The following MON1B variants were observed in gnomAD, a reference collection of about 807,000 sequenced individuals.
The protein encoded by MON1B is MON1 vesicular trafficking associated B.
In MON1B, 26 loss-of-function variants were observed where a neutral mutation model predicts 45.1. The ratio of observed to expected loss-of-function variants is 0.58; its 90% CI spans 0.42 to 0.80. MON1B has a LOEUF of 0.80. MON1B is among the 30% of genes least tolerant of loss of function. The probability of loss-of-function intolerance (pLI) is 0.00; values close to 1 mark genes in which losing one functional copy is unlikely to be tolerated. For missense variants in MON1B, 737 were observed against 754.5 expected (o/e 0.98, Z 0.27); for synonymous variants, 395 against 320.2 (o/e 1.23, Z -2.49).
chr16:77,194,251 G>T lies in MON1B; in HGVS notation c.476-84G>T, dbSNP rs774166535. 7 of 1,233,802 alleles carry T rather than the reference G, an allele frequency of 5.7e-6. No individual in the cohort carries two copies. The Admixed American group carries it at 1.2e-4, about 21-fold the overall frequency. 76.4% of individuals were successfully genotyped at this position (1,233,802 alleles called of 1,614,324 possible). On this transcript the variant is annotated intron_variant, in intron 3 of 5. Transcript: ENST00000248248. The surrounding 1 kb of genome is among the most constrained non-coding windows in gnomAD (Gnocchi z 8.1). ...ACTCGGGCCTGGTGTGTGTATGGTAGGAGAGGGCAGAAGAGCCCCACTGTC... is the reference window on the plus strand; with the variant it reads ...ACTCGGGCCTGGTGTGTGTATGGTATGAGAGGGCAGAAGAGCCCCACTGTC...
chr16:77,198,759 A>G lies in MON1B; in HGVS notation c.*451A>G. 5.6e-6 allele frequency: 1 copy of G among 178,296 alleles called. No homozygotes were observed. Among genetic ancestry groups the G allele is most frequent in the Admixed American group, 5.3e-5 (1 of 18,710 alleles). The allele number at this position is 178,296 out of a possible 1,614,324, so 11.0% of individuals were successfully genotyped here. On this transcript the variant is annotated 3_prime_UTR_variant, in exon 6 of 6. Transcript: ENST00000248248. ...TTGGGACTGGCCTGAGGGTATTTTA[A>G]AGAAAAAAACTACATAAAAGGCCTA...
Position 77,199,414 on chromosome 16 carries a change from C to G in MON1B, c.*1106C>G. 1 of 1,548,332 alleles carries G rather than the reference C, an allele frequency of 6.5e-7. No homozygotes were observed. The highest frequency in any genetic ancestry group is 1.2e-5 in the South Asian group (1 of 83,858). On this transcript the variant is annotated 3_prime_UTR_variant, in exon 6 of 6. Transcript: ENST00000248248. ...TCACGTGGTTTCTTTTTTAACCAGT[C>G]ATCAAGCGAGGCTCGCGCGCAGGCC...
In MON1B at chr16:77,199,785, A is replaced by G; in HGVS notation, c.*1477A>G. ...ATGTAGTTCAGTACGAAAGTCTTCA[A>G]ACAAAAGTGGGGCGGTGGGGATGTT... On this transcript the variant is annotated 3_prime_UTR_variant, in exon 6 of 6. Transcript: ENST00000248248. 2 of 335,256 alleles carry G rather than the reference A, an allele frequency of 6.0e-6. No individual in the cohort carries two copies. The highest frequency in any genetic ancestry group is 1.1e-5 in the Non-Finnish European group (2 of 185,424). 20.8% of individuals were successfully genotyped at this position (335,256 alleles called of 1,614,324 possible). A position where few individuals can be genotyped will look rare whatever the true frequency, so the allele number is the denominator to read the frequency against.
chr16:77,199,518 G>C lies in MON1B; in HGVS notation c.*1210G>C, dbSNP rs974831608. ...AGCTACTGAGGAGGCTGAAGGTAGT[G>C]AGGGCAAGTGGGCTGCACTCCTTTC... is the stretch of plus-strand genomic sequence containing the variant. On this transcript the variant is annotated 3_prime_UTR_variant, in exon 6 of 6. Transcript: ENST00000248248. 1 of 1,550,748 alleles carries C rather than the reference G, an allele frequency of 6.4e-7. No homozygotes were observed. The highest frequency in any genetic ancestry group is 8.7e-7 in the Non-Finnish European group (1 of 1,146,300).
In MON1B at chr16:77,195,083, G is replaced by A. The variant is rs145226349; in HGVS notation, c.1224G>A (p.Pro408=). 291 of 1,603,802 alleles carry A rather than the reference G, an allele frequency of 1.8e-4. 2 individuals carry two copies. Among genetic ancestry groups the A allele is most frequent in the Middle Eastern group, 8.2e-4 (5 of 6,068 alleles). Residue 408 remains proline, a synonymous_variant, in exon 4 of 6, where the codon CCG becomes CCA. Coordinates refer to ENST00000248248, the MANE Select transcript of MON1B (RefSeq NM_014940.4). The part of the protein sequence containing the change: ...PAYSVQAVGA[P]GLRHFLYKPL... ...ACAGCGTGCAGGCTGTCGGGGCGCC[G>A]GGCCTCCGGCACTTCCTGTATAAGC... is the stretch of plus-strand genomic sequence containing the variant.
At chr16:77,198,034 G>C in intron 5 of MON1B, 74 bp from the exon 6 acceptor site, 2 of 1,453,758 alleles carry the variant, frequency 1.4e-6, no homozygotes. Context: ...CAGACATGCA[G>C]CTGCACTGGG....
In MON1B at chr16:77,199,162, C is replaced by T. The variant is rs926651288; in HGVS notation, c.*854C>T. ...CCTGCACAAGACAAGCAGCCTAAAG[C>T]AGGAGAGACCTCCCTAGGGTTTTGT... On this transcript the variant is annotated 3_prime_UTR_variant, in exon 6 of 6. Coordinates refer to ENST00000248248, the MANE Select transcript of MON1B (RefSeq NM_014940.4). 15 of 402,634 alleles carry T rather than the reference C, an allele frequency of 3.7e-5. No homozygotes were observed. In the East Asian group the frequency reaches 6.2e-4, roughly 17 times the overall value. The allele number at this position is 402,634 out of a possible 1,614,324, so 24.9% of individuals were successfully genotyped here. A position where few individuals can be genotyped will look rare whatever the true frequency, so the allele number is the denominator to read the frequency against.
Position 77,199,393 on chromosome 16 carries a change from G to T in MON1B, c.*1085G>T. On this transcript the variant is annotated 3_prime_UTR_variant, in exon 6 of 6. Coordinates refer to ENST00000248248, the MANE Select transcript of MON1B (RefSeq NM_014940.4). ...GTGCTGAAAAGCCTTTCACCCTCACGTGGTTTCTTTTTTAACCAGTCATCA... is the reference window on the plus strand; with the variant it reads ...GTGCTGAAAAGCCTTTCACCCTCACTTGGTTTCTTTTTTAACCAGTCATCA... 2.6e-6 allele frequency: 4 copies of T among 1,519,256 alleles called. No homozygotes were observed. Among genetic ancestry groups the T allele is most frequent in the East Asian group, 4.9e-5 (2 of 40,752 alleles). The allele number at this position is 1,519,256 out of a possible 1,614,324, so 94.1% of individuals were successfully genotyped here.
Position 77,194,696 on chromosome 16 carries a change from A to G in MON1B, c.837A>G (p.Ala279=), listed in dbSNP as rs1320132681. The change falls in exon 4 of 6, where the codon GCA becomes GCG. Residue 279 remains alanine, a synonymous_variant. Transcript: ENST00000248248. The surrounding 1 kb of genome is among the most constrained non-coding windows in gnomAD (Gnocchi z 8.1). The part of the protein sequence containing the change: ...TAPGLALSVL[A]VGGRLITAAQ... ...CTGGCCTGGCGCTGTCAGTGCTGGC[A>G]GTAGGCGGTCGACTTATAACAGCAG... The G allele has an allele frequency of 6.2e-7, 1 of 1,613,798 alleles. No individual in the cohort carries two copies. The highest frequency in any genetic ancestry group is 8.5e-7 in the Non-Finnish European group (1 of 1,179,884).
chr16:77,194,703 G>A lies in MON1B; in HGVS notation c.844G>A (p.Gly282Ser), dbSNP rs936699268. Residue 282 changes from glycine to serine, a missense_variant, in exon 4 of 6, where the codon GGT (glycine) becomes AGT (serine). By Grantham distance (56) the Gly-to-Ser change is moderately conservative. Coordinates refer to ENST00000248248, the MANE Select transcript of MON1B (RefSeq NM_014940.4). This position sits in a 1 kb window ranked among gnomAD's most constrained non-coding sequence, Gnocchi z 8.1. Reference protein sequence around the residue: ...GLALSVLAVGGRLITAAQERN... With the variant: ...GLALSVLAVGSRLITAAQERN... ...GGCGCTGTCAGTGCTGGCAGTAGGC[G>A]GTCGACTTATAACAGCAGCCCAGGA... 1.2e-5 allele frequency: 19 copies of A among 1,613,768 alleles called. No individual in the cohort carries two copies. The highest frequency in any genetic ancestry group is 4.0e-5 in the African/African-American group (3 of 74,938).
Position 77,193,957 on chromosome 16 carries a change from G to T in MON1B, c.475+180G>T. On this transcript the variant is annotated intron_variant, in intron 3 of 5. Transcript: ENST00000248248. The surrounding 1 kb of genome is among the most constrained non-coding windows in gnomAD (Gnocchi z 5.0). ...GGGGTTCATCTCTGTCTGGCCTGCT[G>T]GTTTCTTAGTGATTGACTTGCTGGG... The T allele has an allele frequency of 1.5e-6, 1 of 646,846 alleles. No homozygotes were observed. Among genetic ancestry groups the T allele is most frequent in the East Asian group, 2.7e-5 (1 of 36,426 alleles). The allele number at this position is 646,846 out of a possible 1,614,324, so 40.1% of individuals were successfully genotyped here.
chr16:77,193,947 C>A lies in MON1B; in HGVS notation c.475+170C>A. On this transcript the variant is annotated intron_variant, in intron 3 of 5. Transcript: ENST00000248248. The surrounding 1 kb of genome is among the most constrained non-coding windows in gnomAD (Gnocchi z 5.0). ...GGGAGGTGGGGGGGTTCATCTCTGT[C>A]TGGCCTGCTGGTTTCTTAGTGATTG... 1 of 663,566 alleles carries A rather than the reference C, an allele frequency of 1.5e-6. No individual in the cohort carries two copies. Among genetic ancestry groups the A allele is most frequent in the Non-Finnish European group, 2.5e-6 (1 of 394,526 alleles). The allele number at this position is 663,566 out of a possible 1,614,324, so 41.1% of individuals were successfully genotyped here.
In MON1B at chr16:77,200,945, C is replaced by G. The variant is rs2142509528; in HGVS notation, c.*2637C>G. ...ACCTTTCTGCCCCACTTTTATCTAT[C>G]TCGAACACCCCTTTCTGCACACTCT... On this transcript the variant is annotated 3_prime_UTR_variant, in exon 6 of 6. Coordinates refer to ENST00000248248, the MANE Select transcript of MON1B (RefSeq NM_014940.4). 1 of 152,212 alleles carries G rather than the reference C, an allele frequency of 6.6e-6. No homozygotes were observed. Among genetic ancestry groups the G allele is most frequent in the South Asian group, 2.1e-4 (1 of 4,818 alleles). The allele number at this position is 152,212 out of a possible 1,614,324, so 9.4% of individuals were successfully genotyped here. A position where few individuals can be genotyped will look rare whatever the true frequency, so the allele number is the denominator to read the frequency against.
chr16:77,191,482 G>T lies in MON1B; in HGVS notation c.-4G>T. On this transcript the variant is annotated 5_prime_UTR_variant, in exon 2 of 6. Transcript: ENST00000248248. Reference sequence around the variant, plus strand: ...CGATTCCCCTCCCACTCAGGGATGTGCAGATGGAGGTCGGAGGAGACACTG... The same window carrying T: ...CGATTCCCCTCCCACTCAGGGATGTTCAGATGGAGGTCGGAGGAGACACTG... 1 of 1,600,564 alleles carries T rather than the reference G, an allele frequency of 6.2e-7. No homozygotes were observed. The highest frequency in any genetic ancestry group is 8.5e-7 in the Non-Finnish European group (1 of 1,175,652).
Position 77,193,534 on chromosome 16 carries a change from C to T in MON1B, c.232C>T (p.Pro78Ser). The T allele has an allele frequency of 1.2e-6, 2 of 1,613,636 alleles. No homozygotes were observed. The highest frequency in any genetic ancestry group is 1.7e-6 in the Non-Finnish European group (2 of 1,179,678). Residue 78 changes from proline to serine, a missense_variant, in exon 3 of 6, where the codon CCT (proline) becomes TCT (serine). Coordinates refer to ENST00000248248, the MANE Select transcript of MON1B (RefSeq NM_014940.4). The surrounding 1 kb of genome is among the most constrained non-coding windows in gnomAD (Gnocchi z 5.0). ...ALSSTSRLWS[P>S]AAPENSPTCS... ...GTCAAGCACCTCTCGGCTCTGGAGT[C>T]CTGCAGCCCCTGAGAATAGTCCCAC...
In MON1B at chr16:77,194,215, T is replaced by G; in HGVS notation, c.476-120T>G. The G allele has an allele frequency of 4.4e-6, 4 of 901,844 alleles. No individual in the cohort carries two copies. Among genetic ancestry groups the G allele is most frequent in the South Asian group, 1.3e-5 (1 of 74,790 alleles). The allele number at this position is 901,844 out of a possible 1,614,324, so 55.9% of individuals were successfully genotyped here. On this transcript the variant is annotated intron_variant, in intron 3 of 5. Coordinates refer to ENST00000248248, the MANE Select transcript of MON1B (RefSeq NM_014940.4). The surrounding 1 kb of genome is among the most constrained non-coding windows in gnomAD (Gnocchi z 8.1). ...TACCCCAGTCCAGGTGCCCACAGAGTGAGCATGTGGACTCGGGCCTGGTGT... is the reference window on the plus strand; with the variant it reads ...TACCCCAGTCCAGGTGCCCACAGAGGGAGCATGTGGACTCGGGCCTGGTGT...
rs761248740 is a variant in MON1B, at chr16:77,193,485, A to T, written c.183A>T (p.Ser61=). Residue 61 remains serine, a synonymous_variant, in exon 3 of 6, where the codon TCA becomes TCT. Coordinates refer to ENST00000248248, the MANE Select transcript of MON1B (RefSeq NM_014940.4). The surrounding 1 kb of genome is among the most constrained non-coding windows in gnomAD (Gnocchi z 5.0). ...ACAAGGACCAGCCACCCAGCCCATC[A>T]CCACCGCCCCAGTCAGAGGCCCTGT... ...SKDKDQPPSP[S]PPPQSEALSS... 8.2e-6 allele frequency: 13 copies of T among 1,582,622 alleles called. No homozygotes were observed. In the South Asian group the frequency reaches 1.4e-4, roughly 17 times the overall value.
At chr16:77,197,570 A>C (rs1160093564) in intron 5 of MON1B, among the ~76,000 whole-genome samples, 1 of 152,140 alleles carries the variant, frequency 6.6e-6, no homozygotes, top group Admixed American at 6.5e-5. Flanking sequence ...ATATGCTATG[A>C]GGTGGAACCA....
Position 77,198,218 on chromosome 16 carries a change from G to T in MON1B, c.1554G>T (p.Arg518=). The change falls in exon 6 of 6, where the codon CGG becomes CGT. Residue 518 remains arginine, a synonymous_variant. Transcript: ENST00000248248. ...LLRWVKKEED[R]LFIRYPPKYS... is the part of the protein sequence containing the mutation. ...GCTGGGTGAAGAAAGAGGAGGACCG[G>T]CTCTTCATTCGTTACCCACCCAAGT... 1.2e-6 allele frequency: 2 copies of T among 1,614,134 alleles called. No individual in the cohort carries two copies. The highest frequency in any genetic ancestry group is 1.7e-6 in the Non-Finnish European group (2 of 1,180,016).
Sources: allele counts gnomAD v4.1 joint callset (sites outside exome capture counted in the v4.1 genomes callset), GRCh38; gene constraint gnomAD v4.1.1; non-coding constraint Gnocchi (gnomAD v3.1); transcripts MANE v1.5; gene names NCBI Gene and HGNC (gene_info 2026-07-23, HGNC 2026-07-21).